Variants in TRPS1 observed in about 807,000 individuals in gnomAD.
TRPS1 encodes zinc finger transcription factor Trps1.
In TRPS1, 6 loss-of-function variants were observed where a neutral mutation model predicts 101.2. The ratio of observed to expected loss-of-function variants is 0.06; its 90% CI spans 0.03 to 0.12. The LOEUF is 0.12. Ranked by LOEUF, TRPS1 falls within the 10% of genes least tolerant of loss-of-function variation. The probability of loss-of-function intolerance (pLI) is 1.00; values close to 1 mark genes in which losing one functional copy is unlikely to be tolerated. For missense variants in TRPS1, 1,363 were observed against 1,567.0 expected, an observed-to-expected ratio of 0.87 and a Z score of 2.20; for synonymous variants, 578 against 589.8, an observed-to-expected ratio of 0.98 and a Z score of 0.29.
intron 5 of TRPS1, among the ~76,000 whole-genome samples, chr8:115,563,627 C>T (rs918938474): frequency 1.9e-4 from 29 of 152,168 alleles, no homozygotes; most frequent in Non-Finnish European, 2.5e-4. Context: ...TTCAAAGTGA[C>T]CACACAAGTT....
intron 5 of TRPS1, among the ~76,000 whole-genome samples, chr8:115,454,846 A>T (rs1813976184): frequency 6.6e-6 from 1 of 152,178 alleles, no homozygotes; most frequent in African/African-American, 2.4e-5. Context: ...AACTTTTAAA[A>T]TGTATTCCCA....
At chr8:115,621,178 C>A (rs912205783) in intron 2 of TRPS1, among the ~76,000 whole-genome samples, 7 of 152,146 alleles carry the variant, frequency 4.6e-5, no homozygotes, top group Non-Finnish European at 1.0e-4. Context: ...AATGCATTAA[C>A]AAAGGCTGGT....
At chr8:115,537,545 T>G (rs1816351368) in intron 5 of TRPS1, among the ~76,000 whole-genome samples, 1 of 152,158 alleles carries the variant, frequency 6.6e-6, no homozygotes, top group Admixed American at 6.5e-5. Flanking sequence ...CAAAATTTAT[T>G]TAAATACCAT....
intron 3 of TRPS1, among the ~76,000 whole-genome samples, chr8:115,613,083 A>G (rs1818205777): frequency 6.6e-6 from 1 of 152,168 alleles, no homozygotes; most frequent in African/African-American, 2.4e-5. Flanking sequence ...ATAAATTCCT[A>G]AAACAAAGTC....
intron 3 of TRPS1, among the ~76,000 whole-genome samples, chr8:115,607,831 T>A (rs777796898): frequency 1.3e-5 from 2 of 152,092 alleles, no homozygotes; most frequent in African/African-American, 2.4e-5. Context: ...TACACTCAAG[T>A]CATAGCGAAA....
intron 1 of TRPS1, among the ~76,000 whole-genome samples, chr8:115,638,445 A>G (rs1818819951): frequency 6.6e-6 from 1 of 152,202 alleles, no homozygotes; most frequent in Non-Finnish European, 1.5e-5. Context: ...TGTTAAGGTC[A>G]TGAAGGTACC....
chr8:115,647,663 C>G (rs1053670691), intron 1 of TRPS1, among the ~76,000 whole-genome samples: 1 of 152,048 alleles, frequency 6.6e-6, no homozygotes, highest in African/African-American at 2.4e-5. Flanking sequence ...TTAAGCAGCT[C>G]CTTGAAAACG....
At chr8:115,619,061 C>T (rs1448765138) in intron 3 of TRPS1, 71 bp downstream of exon 3, 3 of 1,558,690 alleles carry the variant, frequency 1.9e-6, no homozygotes, top group Non-Finnish European at 2.6e-6. Context: ...TTGGTTTTAA[C>T]ATGAATATAA....
intron 5 of TRPS1, among the ~76,000 whole-genome samples, chr8:115,475,744 T>C (rs1418856550): frequency 6.6e-6 from 1 of 152,148 alleles, no homozygotes; most frequent in African/African-American, 2.4e-5. Context: ...ATATTGAAGA[T>C]AGTCCATGTA....
chr8:115,663,271 A>AT (rs1240670245), intron 1 of TRPS1, among the ~76,000 whole-genome samples: 1 of 150,614 alleles, frequency 6.6e-6, no homozygotes, highest in Non-Finnish European at 1.5e-5. Context: ...TTTAAATGGC[A>AT]TTTTGGCCAC....
At chr8:115,467,314 T>A (rs1161120573) in intron 5 of TRPS1, among the ~76,000 whole-genome samples, 1 of 152,012 alleles carries the variant, frequency 6.6e-6, no homozygotes, top group Non-Finnish European at 1.5e-5. Flanking sequence ...GTAAGCTTTA[T>A]GGCAAAACCC....
At chr8:115,567,118 GT>G (rs1563609077) in intron 5 of TRPS1, among the ~76,000 whole-genome samples, 2 of 141,494 alleles carry the variant, frequency 1.4e-5, no homozygotes, top group Non-Finnish European at 3.0e-5. Flanking sequence ...TTAACACCAA[GT>G]TTTAGGCCTC....
chr8:115,455,077 T>C (rs1461811150), intron 5 of TRPS1, among the ~76,000 whole-genome samples: 3 of 152,258 alleles, frequency 2.0e-5, no homozygotes, highest in African/African-American at 7.2e-5. Flanking sequence ...ATGCAAAATA[T>C]CTGCTGATAT....
chr8:115,621,774 G>A (rs1382440047), intron 2 of TRPS1, among the ~76,000 whole-genome samples: 1 of 151,890 alleles, frequency 6.6e-6, no homozygotes, highest in Non-Finnish European at 1.5e-5. Flanking sequence ...AAATTAGCTG[G>A]GTGTGGTGGT....
intron 5 of TRPS1, among the ~76,000 whole-genome samples, chr8:115,563,010 C>T (rs776686780): frequency 1.7e-4 from 26 of 151,074 alleles, no homozygotes; most frequent in African/African-American, 3.2e-4. Context: ...ATAGCATGAT[C>T]GAGTAGATTA....
intron 5 of TRPS1, among the ~76,000 whole-genome samples, chr8:115,444,983 T>C (rs78707724): frequency 0.037 from 5,590 of 152,280 alleles, 391 homozygotes; most frequent in African/African-American, 0.13. Flanking sequence ...TCTTCGTTTA[T>C]AACTTTCATC....
chr8:115,550,107 C>A (rs574039882), intron 5 of TRPS1, among the ~76,000 whole-genome samples: 2 of 152,170 alleles, frequency 1.3e-5, no homozygotes, highest in African/African-American at 4.8e-5. Context: ...ATCCCAGCTA[C>A]TTGGGAGGCT....
intron 5 of TRPS1, among the ~76,000 whole-genome samples, chr8:115,441,182 G>A (rs1267962613): frequency 1.3e-5 from 2 of 152,158 alleles, no homozygotes; most frequent in Non-Finnish European, 2.9e-5. Flanking sequence ...TAAATACACC[G>A]AAAGGTTCAG....
intron 5 of TRPS1, among the ~76,000 whole-genome samples, chr8:115,422,001 C>A (rs995139660): frequency 2.0e-4 from 31 of 152,258 alleles, no homozygotes; most frequent in African/African-American, 7.5e-4. Flanking sequence ...CACTAACGAT[C>A]TTATTTCATT....
Sources: allele counts gnomAD v4.1 joint callset (sites outside exome capture counted in the v4.1 genomes callset), GRCh38; gene constraint gnomAD v4.1.1; transcripts MANE v1.5; gene names NCBI Gene and HGNC (gene_info 2026-07-23, HGNC 2026-07-21).